Variants in GLIS3 observed in about 807,000 individuals in gnomAD.
The protein encoded by GLIS3 is zinc finger protein GLIS3.
GLIS3 carries 53 observed loss-of-function variants against 78.6 expected under a neutral mutation model. The observed-to-expected ratio is 0.67, with a 90% CI of 0.54 to 0.85. The LOEUF is 0.85. Ranked by LOEUF, GLIS3 falls within the 40% of genes least tolerant of loss-of-function variation. The pLI, the probability that GLIS3 is intolerant of heterozygous loss-of-function variation, is 0.00. For synonymous variants in GLIS3, 684 were observed against 509.9 expected (o/e 1.34, Z -4.60); for missense variants, 1,703 against 1,231.1 (o/e 1.38, Z -5.74).
intron 2 of GLIS3, among the ~76,000 whole-genome samples, chr9:4,165,473 T>C (rs973074149): frequency 1.3e-5 from 2 of 152,134 alleles, no homozygotes; most frequent in East Asian, 3.9e-4. Context: ...ACCTACATTC[T>C]TTTCCATGGG....
chr9:4,287,640 T>C (rs1214209160), intron 1 of GLIS3, among the ~76,000 whole-genome samples: 1 of 152,252 alleles, frequency 6.6e-6, no homozygotes. Flanking sequence ...AGTGACCAGA[T>C]ATCCTCAAGT....
chr9:3,884,134 G>A (rs1254191200), intron 7 of GLIS3, among the ~76,000 whole-genome samples: 1 of 152,136 alleles, frequency 6.6e-6, no homozygotes, highest in Non-Finnish European at 1.5e-5. Flanking sequence ...AGGTTAATTT[G>A]GTTAGTATGC....
chr9:3,924,853 G>A (rs1344973000), intron 6 of GLIS3, among the ~76,000 whole-genome samples: 1 of 152,160 alleles, frequency 6.6e-6, no homozygotes, highest in Non-Finnish European at 1.5e-5. Flanking sequence ...TTTTCATCAA[G>A]AATGCACAAA....
At chr9:4,260,751 G>GA (rs892241243) in intron 2 of GLIS3, among the ~76,000 whole-genome samples, 13 of 149,018 alleles carry the variant, frequency 8.7e-5, no homozygotes, top group South Asian at 2.1e-4. Flanking sequence ...TCCCAAAAAA[G>GA]AAAAAAAAAG....
intron 2 of GLIS3, among the ~76,000 whole-genome samples, chr9:4,155,402 C>G (rs992466470): frequency 1.3e-5 from 2 of 152,222 alleles, no homozygotes; most frequent in Non-Finnish European, 2.9e-5. Context: ...TTCCCAAGCT[C>G]GTGACCTGGC....
Position 3,879,411 on chromosome 9 carries a change from A to G in GLIS3, c.2297+16T>C, listed in dbSNP as rs377104078. On this transcript the variant is annotated intron_variant, in intron 8 of 10. Transcript: ENST00000381971. ...GGCGGCGACACCTATTAGGAGAGAG[A>G]GACAGATGGCCTTACCTCTCAGCTC... 8.7e-5 allele frequency: 140 copies of G among 1,613,416 alleles called. No individual in the cohort carries two copies. The Middle Eastern group carries it at 1.0e-3, about 12-fold the overall frequency.
intron 4 of GLIS3, among the ~76,000 whole-genome samples, chr9:4,051,379 C>T (rs1182246965): frequency 6.6e-6 from 1 of 152,294 alleles, no homozygotes. Context: ...ACATTCTGGA[C>T]TGCTGGAGAT....
intron 6 of GLIS3, among the ~76,000 whole-genome samples, chr9:3,911,581 T>C (rs1210467192): frequency 1.3e-5 from 2 of 152,244 alleles, no homozygotes; most frequent in Non-Finnish European, 2.9e-5. Flanking sequence ...CCACTTATAA[T>C]AGCCTATCCA....
At chr9:3,861,165 C>G (rs1820187021) in intron 8 of GLIS3, among the ~76,000 whole-genome samples, 1 of 152,132 alleles carries the variant, frequency 6.6e-6, no homozygotes, top group Non-Finnish European at 1.5e-5. Context: ...TCCCTGTGTT[C>G]GAGAGCTGTG....
At chr9:3,832,916 T>A (rs1462060641) in intron 9 of GLIS3, among the ~76,000 whole-genome samples, 5 of 152,214 alleles carry the variant, frequency 3.3e-5, no homozygotes, top group Admixed American at 1.3e-4. Context: ...TTCACTGGCC[T>A]TTCATGAAAA....
chr9:4,219,037 G>A (rs993750867), intron 2 of GLIS3, among the ~76,000 whole-genome samples: 1 of 152,182 alleles, frequency 6.6e-6, no homozygotes. Flanking sequence ...ATATAAGTAA[G>A]AGCCCAATGA....
chr9:3,869,321 C>T (rs895244638), intron 8 of GLIS3, among the ~76,000 whole-genome samples: 16 of 151,800 alleles, frequency 1.1e-4, no homozygotes, highest in Non-Finnish European at 2.4e-4. Flanking sequence ...AAGATACCAA[C>T]ATCGCTGATT....
chr9:3,983,752 C>T (rs777487276), intron 4 of GLIS3, among the ~76,000 whole-genome samples: 13 of 151,956 alleles, frequency 8.6e-5, no homozygotes, highest in South Asian at 2.1e-4. Flanking sequence ...GGGTATCTGG[C>T]GAAAGAAATT....
rs574097440 is a variant in GLIS3, at chr9:4,023,131, C to A, written c.1711-85942G>T. Among the ~76,000 whole-genome samples the A allele has an allele frequency of 6.6e-5, 10 of 152,256 alleles. 1 individual carries two copies. The South Asian group carries it at 2.1e-3, about 32-fold the overall frequency. ...GGTTTGTACGCATTTACATATTGAA[C>A]TCCAGTGATCAAATCTTTTTTAAAA... On this transcript the variant is annotated intron_variant, in intron 4 of 10. Coordinates refer to ENST00000381971, the MANE Select transcript of GLIS3 (RefSeq NM_001042413.2).
intron 2 of GLIS3, among the ~76,000 whole-genome samples, chr9:4,341,340 G>C (rs1469401337): frequency 6.6e-6 from 1 of 152,224 alleles, no homozygotes; most frequent in Admixed American, 6.5e-5. Context: ...CACACTTGTA[G>C]TTATCAGGCA....
At chr9:4,472,132 A>G in the GLIS3 span, among the ~76,000 whole-genome samples, 2 of 152,226 alleles carry the variant, frequency 1.3e-5, no homozygotes, top group Non-Finnish European at 2.9e-5. Flanking sequence ...GATGTGGAGA[A>G]ATAGGAATGC....
At chr9:3,929,294 T>C (rs1294349786) in intron 6 of GLIS3, among the ~76,000 whole-genome samples, 1 of 152,230 alleles carries the variant, frequency 6.6e-6, no homozygotes, top group Non-Finnish European at 1.5e-5. Flanking sequence ...AAGTTACTCT[T>C]CTGCATGCAG....
intron 2 of GLIS3, among the ~76,000 whole-genome samples, chr9:4,316,920 T>C (rs72692058): frequency 0.097 from 14,695 of 151,986 alleles, 811 homozygotes; most frequent in African/African-American, 0.14. Context: ...ACTTAACTCT[T>C]GTTTATATCC....
chr9:4,236,204 A>AAAAAAAAAAAAAAAAAAAAAAAAAAAG (rs536737911), intron 2 of GLIS3, among the ~76,000 whole-genome samples: 45 of 86,374 alleles, frequency 5.2e-4, no homozygotes, highest in East Asian at 2.7e-3. Context: ...AAAAAAAAAA[A>AAAAAAAAAAAAAAAAAAAAAAAAAAAG]AAAGAAAGAA....
Sources: allele counts gnomAD v4.1 joint callset (sites outside exome capture counted in the v4.1 genomes callset), GRCh38; gene constraint gnomAD v4.1.1; transcripts MANE v1.5; gene names NCBI Gene and HGNC (gene_info 2026-07-23, HGNC 2026-07-21).